The following EHMT2 variants were observed in gnomAD, a reference collection of about 807,000 sequenced individuals.
EHMT2 encodes the protein histone-lysine N-methyltransferase EHMT2.
In EHMT2, 59 loss-of-function variants were observed where a neutral mutation model predicts 143.3. That is an observed-to-expected ratio of 0.41 (90% CI 0.33 to 0.51). The LOEUF (loss-of-function observed/expected upper bound fraction) is 0.51, where lower values mean the gene tolerates loss of function less well. EHMT2 is among the 20% of genes least tolerant of loss of function. The pLI is 0.18. For missense variants in EHMT2, 1,174 were observed against 1,645.9 expected (o/e 0.71, Z 4.96); for synonymous variants, 604 against 651.5 (o/e 0.93, Z 1.11).
In EHMT2 at chr6:31,887,571, A is replaced by T; in HGVS notation, c.2011+6T>A. The T allele has an allele frequency of 6.2e-7, 1 of 1,612,826 alleles. No individual in the cohort carries two copies. Among genetic ancestry groups the T allele is most frequent in the Non-Finnish European group, 8.5e-7 (1 of 1,179,826 alleles). On this transcript the variant is annotated splice_donor_region_variant and intron_variant, in intron 15 of 27. Transcript: ENST00000375537. ...AAGGTCTGCTGAAGGAATGGGTGGCACTCACACAGCATCAGGATCACCTTC... is the reference window on the plus strand; with the variant it reads ...AAGGTCTGCTGAAGGAATGGGTGGCTCTCACACAGCATCAGGATCACCTTC...
intron 18 of EHMT2, chr6:31,885,314 A>G: frequency 3.9e-6 from 1 of 255,678 alleles, no homozygotes; most frequent in East Asian, 7.6e-5. Context: ...TGTCTCTACT[A>G]AAAAATAGAA....
In EHMT2 at chr6:31,896,597, G is replaced by A; in HGVS notation, c.328+9C>T. On this transcript the variant is annotated intron_variant, in intron 3 of 27. Transcript: ENST00000375537. ...TCCCACCAACCCCCCAGGCTACCCA[G>A]CCTCTCACCCAGCAGGATCCGGCCC... is the stretch of plus-strand genomic sequence containing the variant. The A allele has an allele frequency of 6.3e-7, 1 of 1,587,152 alleles. No individual in the cohort carries two copies. The highest frequency in any genetic ancestry group is 8.6e-7 in the Non-Finnish European group (1 of 1,166,656).
Position 31,889,684 on chromosome 6 carries a change from C to T in EHMT2, c.865-82G>A, listed in dbSNP as rs995188034. ...GTAAAGAAAACCACCACCACCATTG[C>T]CCCCCGCCACTACCCACGGATGGCT... On this transcript the variant is annotated intron_variant, in intron 7 of 27. Coordinates refer to ENST00000375537, the Ensembl canonical transcript of EHMT2. The surrounding 1 kb of genome is among the most constrained non-coding windows in gnomAD (Gnocchi z 5.1). 2.6e-6 allele frequency: 4 copies of T among 1,550,680 alleles called. No individual in the cohort carries two copies. In the African/African-American group the frequency reaches 4.1e-5, roughly 16 times the overall value.
intron 15 of EHMT2, 121 bp from the exon 16 acceptor site, chr6:31,887,222 G>A: frequency 1.3e-6 from 1 of 788,314 alleles, no homozygotes; most frequent in Non-Finnish European, 2.0e-6. Flanking sequence ...GGCCCCTCCT[G>A]GCATTCTCCG....
Position 31,884,709 on chromosome 6 carries a change from C to T in EHMT2, c.2539G>A (p.Val847Ile), listed in dbSNP as rs1366493561. 6 of 1,591,090 alleles carry T rather than the reference C, an allele frequency of 3.8e-6. No individual in the cohort carries two copies. The highest frequency in any genetic ancestry group is 1.1e-5 in the South Asian group (1 of 89,056). ...AGGGGGGTGTCCCCATGGTAGTTGACAGCATGGAGGTCACAGCGCGCATTC... is the reference window on the plus strand; with the variant it reads ...AGGGGGGTGTCCCCATGGTAGTTGATAGCATGGAGGTCACAGCGCGCATTC... The change falls in exon 20 of 28, where the codon GTC becomes ATC. Residue 847 changes from valine to isoleucine, a missense_variant. Physicochemically the swap from Val to Ile is conservative, Grantham distance 29 (BLOSUM62 3). This residue lies in a region of EHMT2 where 608 missense variants were observed against 903.7 expected (regional missense o/e 0.67). Coordinates refer to ENST00000375537, the Ensembl canonical transcript of EHMT2. This position sits in a 1 kb window ranked among gnomAD's most constrained non-coding sequence, Gnocchi z 7.3.
intron 7 of EHMT2, among the ~76,000 whole-genome samples, chr6:31,890,052 C>G (rs1765482439): frequency 6.6e-6 from 1 of 152,064 alleles, no homozygotes; most frequent in Admixed American, 6.6e-5. Context: ...TCCATGCATC[C>G]TGATGTGATG....
chr6:31,892,515 C>T (rs568118113), exon 7 of EHMT2: 56 of 1,612,936 alleles, frequency 3.5e-5, no homozygotes, highest in Non-Finnish European at 4.2e-5. Flanking sequence ...GGTCCCCTTT[C>T]GTCAGGGTCA....
chr6:31,887,823 G>A (rs754615201), exon 14 of EHMT2: 13 of 1,608,442 alleles, frequency 8.1e-6, no homozygotes, highest in South Asian at 6.6e-5. Flanking sequence ...GGGCCTCCCG[G>A]CCTGGCCCCA....
chr6:31,888,732 G>A lies in EHMT2; in HGVS notation c.1232C>T (p.Thr411Ile). The A allele has an allele frequency of 6.2e-7, 1 of 1,613,348 alleles. No individual in the cohort carries two copies. Among genetic ancestry groups the A allele is most frequent in the South Asian group, 1.1e-5 (1 of 91,090 alleles). Residue 411 changes from threonine to isoleucine, a missense_variant, in exon 11 of 28, where the codon ACA becomes ATA. Around this residue, in one of 6 missense-constraint regions of EHMT2, gnomAD observed 608 missense variants for 903.7 expected, o/e 0.67. Coordinates refer to ENST00000375537, the Ensembl canonical transcript of EHMT2. The surrounding 1 kb of genome is among the most constrained non-coding windows in gnomAD (Gnocchi z 7.4). ...CCCTCGCTCTGTCTCCAGCGAAGAT[G>A]TGTCATTGGACACCCCTTGGATGGA...
chr6:31,889,187 C>G lies in EHMT2; in HGVS notation c.1114+41G>C, dbSNP rs747457230. On this transcript the variant is annotated intron_variant, in intron 9 of 27. Coordinates refer to ENST00000375537, the Ensembl canonical transcript of EHMT2. This position sits in a 1 kb window ranked among gnomAD's most constrained non-coding sequence, Gnocchi z 5.1. ...CGTGCACACACTCTGGGGGGCCGGG[C>G]GGGGGCTGGAGGGCACCCAAAAGCA... 1.9e-6 allele frequency: 3 copies of G among 1,567,458 alleles called. No homozygotes were observed. Among genetic ancestry groups the G allele is most frequent in the Non-Finnish European group, 2.6e-6 (3 of 1,155,264 alleles).
At position 31,889,246 on chromosome 6, in the gene EHMT2, G is replaced by T; in HGVS notation, c.1096C>A (p.Arg366=). Residue 366 remains arginine (R), a synonymous_variant, in exon 9 of 28, where the codon CGG becomes AGG. Transcript: ENST00000375537. This position sits in a 1 kb window ranked among gnomAD's most constrained non-coding sequence, Gnocchi z 5.1. ...TCCTCACCTCGTGGCTCCTTGGCCC[G>T]CGGAGGCTCCCGCTTGCGCCGTTTC... 1 of 1,609,614 alleles carries T rather than the reference G, an allele frequency of 6.2e-7. No homozygotes were observed. The highest frequency in any genetic ancestry group is 8.5e-7 in the Non-Finnish European group (1 of 1,178,936).
Position 31,881,347 on chromosome 6 carries a change from G to A in EHMT2, c.3198-255C>T, listed in dbSNP as rs769420965. 4.1e-4 allele frequency: 240 copies of A among 581,462 alleles called. 3 individuals carry two copies. The Middle Eastern group carries it at 7.3e-3, about 18-fold the overall frequency. The allele number at this position is 581,462 out of a possible 1,614,324, so 36.0% of individuals were successfully genotyped here. A position where few individuals can be genotyped will look rare whatever the true frequency, so the allele number is the denominator to read the frequency against. On this transcript the variant is annotated intron_variant, in intron 25 of 27. Coordinates refer to ENST00000375537, the Ensembl canonical transcript of EHMT2. This position sits in a 1 kb window ranked among gnomAD's most constrained non-coding sequence, Gnocchi z 4.8. ...GGGGATTAATGTGTAGGGGCAGTTGGCCTGGGTGGGGAAGTTCGGGTTTGG... is the reference window on the plus strand; with the variant it reads ...GGGGATTAATGTGTAGGGGCAGTTGACCTGGGTGGGGAAGTTCGGGTTTGG...
chr6:31,889,483 C>T lies in EHMT2; in HGVS notation c.984G>A (p.Gly328=). ...CGTCTCTTACCCTATCTGACTGATT[C>T]CCTGACTCCTCATCTTCCTCTTCTT... Residue 328 remains glycine, a synonymous_variant, in exon 8 of 28, where the codon GGG becomes GGA. Transcript: ENST00000375537. The surrounding 1 kb of genome is among the most constrained non-coding windows in gnomAD (Gnocchi z 5.1). 6.2e-7 allele frequency: 1 copy of T among 1,612,826 alleles called. No individual in the cohort carries two copies. Among genetic ancestry groups the T allele is most frequent in the Non-Finnish European group, 8.5e-7 (1 of 1,179,972 alleles).
At chr6:31,887,493 G>C (rs997654274) in intron 15 of EHMT2, 84 bp downstream of exon 15, 1 of 1,244,510 alleles carries the variant, frequency 8.0e-7, no homozygotes, top group Non-Finnish European at 1.2e-6. Context: ...TGTCCTTCAC[G>C]ACTGTACTCC....
Position 31,884,298 on chromosome 6 carries a change from G to A in EHMT2, c.2771+94C>T, listed in dbSNP as rs900315370. 13 of 1,423,342 alleles carry A rather than the reference G, an allele frequency of 9.1e-6. No individual in the cohort carries two copies. In the African/African-American group the frequency reaches 1.8e-4, roughly 20 times the overall value. 88.2% of individuals were successfully genotyped at this position (1,423,342 alleles called of 1,614,324 possible). A position where few individuals can be genotyped will look rare whatever the true frequency, so the allele number is the denominator to read the frequency against. On this transcript the variant is annotated intron_variant, in intron 21 of 27. Transcript: ENST00000375537. This position sits in a 1 kb window ranked among gnomAD's most constrained non-coding sequence, Gnocchi z 7.3. The stretch of plus-strand genomic sequence containing the variant: ...TGGGGATTCAGTGGTGCATGGGGAG[G>A]GGTTGGGGAATGTTGTGAGGATGCA...
chr6:31,892,752 AT>A lies in EHMT2; in HGVS notation c.668-19del. 6.2e-7 allele frequency: 1 copy of A among 1,613,042 alleles called. No individual in the cohort carries two copies. The highest frequency in any genetic ancestry group is 1.1e-5 in the South Asian group (1 of 91,084). Reference sequence around the variant, plus strand: ...GGCCAGATCTGGAAGAAGAGAGAGAATGGTGTGGGGCCTATCACCGAAACCT... The same window carrying A: ...GGCCAGATCTGGAAGAAGAGAGAGAAGGTGTGGGGCCTATCACCGAAACCT... On this transcript the variant is annotated intron_variant, in intron 5 of 27. Coordinates refer to ENST00000375537, the Ensembl canonical transcript of EHMT2.
chr6:31,893,168 A>C, intron 4 of EHMT2: 1 of 531,102 alleles, frequency 1.9e-6, no homozygotes, highest in East Asian at 3.1e-5. Flanking sequence ...AAGCTTAATA[A>C]AGTTAAAAGA....
Position 31,881,879 on chromosome 6 carries a change from G to A in EHMT2, c.3198-787C>T, listed in dbSNP as rs905926967. ...AGCACTTTGGGAGGCCGAGGTGGGC[G>A]GATCATCTGAGGTCAGGAGTTGGAG... On this transcript the variant is annotated intron_variant, in intron 25 of 27. Coordinates refer to ENST00000375537, the Ensembl canonical transcript of EHMT2. This position sits in a 1 kb window ranked among gnomAD's most constrained non-coding sequence, Gnocchi z 4.8. 6.6e-6 allele frequency among the ~76,000 whole-genome samples: 1 copy of A among 152,138 alleles called. No individual in the cohort carries two copies. Among genetic ancestry groups the A allele is most frequent in the Non-Finnish European group, 1.5e-5 (1 of 68,016 alleles).
rs765220142 is a variant in EHMT2 at position 31,883,893 on chromosome 6, C to T, written c.2829G>A (p.Gly943=). The change falls in exon 22 of 28, where the codon GGG becomes GGA. Residue 943 remains glycine, a synonymous_variant. Coordinates refer to ENST00000375537, the Ensembl canonical transcript of EHMT2. The surrounding 1 kb of genome is among the most constrained non-coding windows in gnomAD (Gnocchi z 5.6). The stretch of plus-strand genomic sequence containing the variant: ...ACTTGTAATCCTCAGGGCAGGGCTC[C>T]CCATCCACACCGTTGACACAGGGAA... 1.1e-5 allele frequency: 17 copies of T among 1,613,836 alleles called. No homozygotes were observed. Among genetic ancestry groups the T allele is most frequent in the Non-Finnish European group, 1.4e-5 (16 of 1,179,976 alleles).
Sources: gnomAD v4.1 joint callset for allele counts (sites outside exome capture counted in the v4.1 genomes callset) on GRCh38, gnomAD v4.1.1 for gene constraint, gnomAD v4.1.1 regional missense constraint, Gnocchi (gnomAD v3.1) non-coding constraint, MANE v1.5 for transcripts, NCBI Gene and HGNC (gene_info 2026-07-23, HGNC 2026-07-21) for gene names.